Variants in VCAN observed in about 807,000 individuals in gnomAD.
VCAN encodes versican core protein.
In VCAN, 44 loss-of-function variants were observed where a neutral mutation model predicts 245.5. The ratio of observed to expected loss-of-function variants is 0.18; its 90% CI spans 0.14 to 0.23. The LOEUF (loss-of-function observed/expected upper bound fraction) is 0.23, where lower values mean the gene tolerates loss of function less well. Ranked by LOEUF, VCAN falls within the 10% of genes least tolerant of loss-of-function variation. The pLI, the probability that VCAN is intolerant of heterozygous loss-of-function variation, is 1.00. For synonymous variants in VCAN, 1,413 were observed against 1,437.0 expected, an observed-to-expected ratio of 0.98 and a Z score of 0.38; for missense variants, 3,793 against 4,057.9, an observed-to-expected ratio of 0.93 and a Z score of 1.77.
intron 13 of VCAN, among the ~76,000 whole-genome samples, chr5:83,576,751 A>G (rs1163656459): frequency 6.6e-6 from 1 of 152,062 alleles, no homozygotes; most frequent in Non-Finnish European, 1.5e-5. Flanking sequence ...GGACTTTGAA[A>G]TTTTTGCCAA....
chr5:83,531,873 T>C (rs894442629), intron 7 of VCAN, among the ~76,000 whole-genome samples: 1 of 151,346 alleles, frequency 6.6e-6, no homozygotes, highest in Non-Finnish European at 1.5e-5. Flanking sequence ...CTATTAACCA[T>C]GGTACTGTTA....
chr5:83,552,823 G>A (rs3797782), intron 10 of VCAN, among the ~76,000 whole-genome samples: 58,695 of 151,944 alleles, frequency 0.39, 11,533 homozygotes, highest in Admixed American at 0.44. Flanking sequence ...ATCCCAAAAC[G>A]TACCTATTCA....
At chr5:83,502,686 T>A (rs568153782) in intron 5 of VCAN, among the ~76,000 whole-genome samples, 82 of 152,350 alleles carry the variant, frequency 5.4e-4, no homozygotes, top group Admixed American at 2.4e-3. Context: ...AATATGCAGA[T>A]GCATTTTCAA....
chr5:83,480,107 T>C (rs1439858853), intron 1 of VCAN, among the ~76,000 whole-genome samples: 3 of 152,196 alleles, frequency 2.0e-5, no homozygotes, highest in Non-Finnish European at 1.5e-5. Context: ...GTGTAAACAG[T>C]CTAATTTTTA....
At chr5:83,507,600 A>G (rs1273490979) in intron 5 of VCAN, among the ~76,000 whole-genome samples, 1 of 152,222 alleles carries the variant, frequency 6.6e-6, no homozygotes, top group Non-Finnish European at 1.5e-5. Context: ...TGCTGTGATC[A>G]GTGGCTTTCT....
chr5:83,477,695 G>T (rs553109878), intron 1 of VCAN, among the ~76,000 whole-genome samples: 1 of 152,006 alleles, frequency 6.6e-6, no homozygotes, highest in Non-Finnish European at 1.5e-5. Flanking sequence ...AAACATCTAC[G>T]ACATTTGAGA....
intron 3 of VCAN, among the ~76,000 whole-genome samples, chr5:83,490,716 G>A (rs1434935387): frequency 1.3e-5 from 2 of 152,078 alleles, no homozygotes; most frequent in Non-Finnish European, 1.5e-5. Context: ...TGAAAATAAC[G>A]AATACCTCAA....
chr5:83,511,965 C>T, intron 5 of VCAN, 138 bp from the exon 6 acceptor site: 1 of 1,047,198 alleles, frequency 9.5e-7, no homozygotes, highest in East Asian at 2.4e-5. Context: ...ATCTTTTCTG[C>T]TTTAAAGTAT....
intron 1 of VCAN, among the ~76,000 whole-genome samples, chr5:83,480,284 CA>C (rs1028706962): frequency 6.6e-6 from 1 of 152,100 alleles, no homozygotes; most frequent in African/African-American, 2.4e-5. Flanking sequence ...CTCTCCCCAA[CA>C]AAAGACACTT....
Position 83,521,199 on chromosome 5 carries a change from A to G in VCAN, c.2893A>G (p.Thr965Ala). Residue 965 changes from threonine (T) to alanine (A), a missense_variant, in exon 7 of 15, where the codon ACT becomes GCT. By Grantham distance (58) the Thr-to-Ala change is moderately conservative (BLOSUM62 0). This residue lies in a region of VCAN where 3,182 missense variants were observed against 3,250.3 expected (regional missense o/e 0.98). Transcript: ENST00000265077. The part of the protein sequence containing the change: ...VSYSSTQEPT[T>A]YVDSSHTIPL... ...TTATAGTAGCACCCAAGAGCCTACTACTTATGTAGACTCTTCCCATACCAT... is the reference window on the plus strand; with the variant it reads ...TTATAGTAGCACCCAAGAGCCTACTGCTTATGTAGACTCTTCCCATACCAT... 1.9e-6 allele frequency: 3 copies of G among 1,613,604 alleles called. No homozygotes were observed. The highest frequency in any genetic ancestry group is 2.5e-6 in the Non-Finnish European group (3 of 1,179,592).
At chr5:83,557,642 T>C (rs1747723564) in intron 12 of VCAN, among the ~76,000 whole-genome samples, 3 of 152,176 alleles carry the variant, frequency 2.0e-5, no homozygotes, top group Admixed American at 6.6e-5. Flanking sequence ...TAACAGTGAC[T>C]ATTTCCATAG....
chr5:83,474,439 G>T (rs1396265106), intron 1 of VCAN, among the ~76,000 whole-genome samples: 2 of 152,226 alleles, frequency 1.3e-5, no homozygotes, highest in Non-Finnish European at 2.9e-5. Context: ...GGCGTGCCGG[G>T]ATGGAAGGGT....
In VCAN at chr5:83,490,222, A is replaced by G. The variant is rs768754493; in HGVS notation, c.195A>G (p.Lys65=). 6.2e-7 allele frequency: 1 copy of G among 1,614,182 alleles called. No individual in the cohort carries two copies. Among genetic ancestry groups the G allele is most frequent in the Non-Finnish European group, 8.5e-7 (1 of 1,180,040 alleles). Residue 65 remains lysine, a synonymous_variant, in exon 3 of 15, where the codon AAA becomes AAG. Transcript: ENST00000265077. ...ACACCAGTGAATTTCTCCGCATCAA[A>G]TGGTCTAAGATTGAAGTGGACAAAA... ...SYNTSEFLRI[K]WSKIEVDKNG...
chr5:83,506,066 C>A (rs1745473903), intron 5 of VCAN, among the ~76,000 whole-genome samples: 1 of 152,186 alleles, frequency 6.6e-6, no homozygotes, highest in Non-Finnish European at 1.5e-5. Flanking sequence ...CCACTTTTTC[C>A]TCCTGGGCCT....
intron 5 of VCAN, among the ~76,000 whole-genome samples, chr5:83,506,945 G>A (rs900457734): frequency 6.6e-6 from 1 of 152,208 alleles, no homozygotes; most frequent in Non-Finnish European, 1.5e-5. Context: ...AGAATAGCAC[G>A]GGGAAGACTG....
intron 13 of VCAN, among the ~76,000 whole-genome samples, chr5:83,578,700 C>A (rs1748562165): frequency 6.6e-6 from 1 of 152,114 alleles, no homozygotes; most frequent in African/African-American, 2.4e-5. Context: ...CATTTTCCCA[C>A]TGAATATTTG....
At chr5:83,577,435 A>C (rs1748525196) in intron 13 of VCAN, among the ~76,000 whole-genome samples, 1 of 152,164 alleles carries the variant, frequency 6.6e-6, no homozygotes, top group South Asian at 2.1e-4. Flanking sequence ...AATGAAAATC[A>C]CAACTCGGGT....
At chr5:83,572,332 A>C (rs1398977956) in intron 12 of VCAN, 84 bp from the exon 13 acceptor site, 57 of 1,515,216 alleles carry the variant, frequency 3.8e-5, no homozygotes, top group Middle Eastern at 1.7e-4. Context: ...AGTCTATTCC[A>C]ATTAGATTGT....
At chr5:83,546,968 G>T (rs776383603) in intron 9 of VCAN, among the ~76,000 whole-genome samples, 1 of 152,178 alleles carries the variant, frequency 6.6e-6, no homozygotes, top group Non-Finnish European at 1.5e-5. Flanking sequence ...TAGAATCTGT[G>T]TAGAAAGATT....
Sources: gnomAD v4.1 joint callset for allele counts (sites outside exome capture counted in the v4.1 genomes callset) on GRCh38, gnomAD v4.1.1 for gene constraint, gnomAD v4.1.1 regional missense constraint, MANE v1.5 for transcripts, NCBI Gene and HGNC (gene_info 2026-07-23, HGNC 2026-07-21) for gene names.